The following NAV2 variants were observed in gnomAD, a reference collection of about 807,000 sequenced individuals.
NAV2 encodes the protein neuron navigator 2, also known as helicase, APC down-regulated 1.
Under a neutral mutation model 223.2 loss-of-function variants are expected in NAV2, and 54 were observed. The observed-to-expected ratio is 0.24, with a 90% CI of 0.19 to 0.30. NAV2 has a LOEUF of 0.30. Ranked by LOEUF, NAV2 falls within the 10% of genes least tolerant of loss-of-function variation. NAV2 has a pLI of 1.00. For missense variants in NAV2, 2,806 were observed against 3,147.5 expected (o/e 0.89, Z 2.60); for synonymous variants, 1,279 against 1,239.3 (o/e 1.03, Z -0.67).
rs116928805 is a variant in NAV2 at position 20,044,320 on chromosome 11, C to G, written c.3199+48C>G. Reference sequence around the variant, plus strand: ...GCCCTACAGTTGACATTTTGAAAACCAAAGCCATAGTTAACTCTAGCAAGG... The same window carrying G: ...GCCCTACAGTTGACATTTTGAAAACGAAAGCCATAGTTAACTCTAGCAAGG... On this transcript the variant is annotated intron_variant, in intron 13 of 37. Transcript: ENST00000349880. 7,947 of 1,525,428 alleles carry G rather than the reference C, an allele frequency of 5.2e-3. 28 individuals carry two copies. Among genetic ancestry groups the G allele is most frequent in the Middle Eastern group, 0.018 (95 of 5,144 alleles). The allele number at this position is 1,525,428 out of a possible 1,614,324, so 94.5% of individuals were successfully genotyped here.
At chr11:19,643,576 A>T (rs1017429344) in intron 1 of NAV2, among the ~76,000 whole-genome samples, 5 of 152,116 alleles carry the variant, frequency 3.3e-5, no homozygotes, top group Non-Finnish European at 5.9e-5. Flanking sequence ...GTTGGACATT[A>T]GGGTTGGTTC....
intron 16 of NAV2, 43 bp from the exon 17 acceptor site, chr11:20,051,246 G>GTGC (rs746684663): frequency 3.8e-6 from 6 of 1,569,528 alleles, no homozygotes; most frequent in Non-Finnish European, 5.3e-6. Flanking sequence ...TGCCTTCTGT[G>GTGC]TGCTGCTCTG....
intron 1 of NAV2, among the ~76,000 whole-genome samples, chr11:19,377,423 G>C (rs1848676421): frequency 2.0e-5 from 3 of 152,170 alleles, no homozygotes; most frequent in Admixed American, 2.0e-4. Flanking sequence ...TTCCCAGGCA[G>C]ATTCAGGGGT....
intron 1 of NAV2, among the ~76,000 whole-genome samples, chr11:19,694,788 A>C (rs2049281379): frequency 6.6e-6 from 1 of 152,194 alleles, no homozygotes; most frequent in Admixed American, 6.5e-5. Context: ...TTGCTCGTCT[A>C]AGTCCATTTG....
At chr11:19,921,677 A>G (rs1481658244) in intron 6 of NAV2, among the ~76,000 whole-genome samples, 3 of 152,234 alleles carry the variant, frequency 2.0e-5, no homozygotes, top group Non-Finnish European at 4.4e-5. Flanking sequence ...AGTGCAACTT[A>G]CATGTGTGGA....
chr11:19,488,461 G>A (rs1459567809), intron 1 of NAV2, among the ~76,000 whole-genome samples: 3 of 152,156 alleles, frequency 2.0e-5, no homozygotes, highest in Non-Finnish European at 4.4e-5. Context: ...GCTTAATCAC[G>A]TGGCACAAAT....
chr11:19,818,127 C>T (rs953300613), intron 1 of NAV2, among the ~76,000 whole-genome samples: 4 of 151,172 alleles, frequency 2.6e-5, no homozygotes, highest in African/African-American at 9.7e-5. Flanking sequence ...TCTTACCCAT[C>T]ATTCTACAAA....
intron 1 of NAV2, among the ~76,000 whole-genome samples, chr11:19,445,774 ATAAG>A (rs1851561074): frequency 6.9e-6 from 1 of 144,054 alleles, no homozygotes; most frequent in Admixed American, 7.0e-5. Context: ...TTTTTTTTAA[ATAAG>A]AGAGAAAGGG....
intron 5 of NAV2, among the ~76,000 whole-genome samples, chr11:19,891,330 A>C (rs2041479416): frequency 6.6e-6 from 1 of 152,170 alleles, no homozygotes; most frequent in Admixed American, 6.5e-5. Context: ...ACATTTCATC[A>C]TTTATTCATC....
chr11:19,423,304 A>G (rs903864725), intron 1 of NAV2, among the ~76,000 whole-genome samples: 5 of 152,226 alleles, frequency 3.3e-5, no homozygotes, highest in Non-Finnish European at 7.3e-5. Context: ...GCTACTGGTA[A>G]GCACCCAACC....
At chr11:19,540,672 T>A (rs562001266) in intron 1 of NAV2, among the ~76,000 whole-genome samples, 1 of 152,310 alleles carries the variant, frequency 6.6e-6, no homozygotes, top group Non-Finnish European at 1.5e-5. Context: ...GCTTGGAAAA[T>A]GCTGTAGCTG....
chr11:19,597,430 C>T (rs374962082), intron 1 of NAV2, among the ~76,000 whole-genome samples: 5 of 152,242 alleles, frequency 3.3e-5, no homozygotes, highest in African/African-American at 4.8e-5. Context: ...TGTCTTGCCT[C>T]GCTGCCCCAT....
chr11:19,358,741 C>T (rs1035821459), intron 1 of NAV2, among the ~76,000 whole-genome samples: 2 of 152,072 alleles, frequency 1.3e-5, no homozygotes, highest in Non-Finnish European at 2.9e-5. Context: ...CTTCAGACCC[C>T]CTCTTCCCAC....
chr11:20,017,472 T>G (rs1048956216), intron 11 of NAV2, among the ~76,000 whole-genome samples: 3 of 152,216 alleles, frequency 2.0e-5, no homozygotes, highest in African/African-American at 7.2e-5. Context: ...CCTACCACAC[T>G]ATTTAAAGTA....
intron 1 of NAV2, among the ~76,000 whole-genome samples, chr11:19,610,403 C>A (rs1005975221): frequency 1.3e-5 from 2 of 152,150 alleles, no homozygotes; most frequent in African/African-American, 2.4e-5. Flanking sequence ...GCAGTGGGTG[C>A]CACGGGCTCA....
intron 11 of NAV2, chr11:20,023,230 G>A: frequency 8.6e-7 from 1 of 1,156,446 alleles, no homozygotes; most frequent in Non-Finnish European, 1.2e-6. Context: ...TGGTGGAGCA[G>A]CCTGTGGTGC....
rs139634967 is a variant in NAV2, at chr11:19,848,509, C to T, written c.438+5586C>T. 3.3e-5 allele frequency among the ~76,000 whole-genome samples: 5 copies of T among 152,324 alleles called. No homozygotes were observed. In the East Asian group the frequency reaches 9.7e-4, roughly 29 times the overall value. On this transcript the variant is annotated intron_variant, in intron 3 of 37. Coordinates refer to ENST00000349880, the MANE Select transcript of NAV2 (RefSeq NM_145117.5). ...GATTAGGTCTTACCTCTGACCTCTG[C>T]AAGGCATCACAGCTGAGAGCAAGGG... is the stretch of plus-strand genomic sequence containing the variant.
rs2063388240 is a variant in NAV2, at chr11:20,119,894, T to A, written c.*1636T>A. The A allele has an allele frequency of 1.3e-5, 2 of 152,250 alleles. No individual in the cohort carries two copies. 9.4% of individuals were successfully genotyped at this position (152,250 alleles called of 1,614,324 possible). A position where few individuals can be genotyped will look rare whatever the true frequency, so the allele number is the denominator to read the frequency against. On this transcript the variant is annotated 3_prime_UTR_variant, in exon 38 of 38. Coordinates refer to ENST00000349880, the MANE Select transcript of NAV2 (RefSeq NM_145117.5). ...CAACCCAACTGGACAATGATCTGTCTGGTGCAGGAGAAGGCAAAAGTTTCT... is the reference window on the plus strand; with the variant it reads ...CAACCCAACTGGACAATGATCTGTCAGGTGCAGGAGAAGGCAAAAGTTTCT...
At chr11:19,989,867 G>A (rs368640483) in intron 11 of NAV2, among the ~76,000 whole-genome samples, 10 of 152,026 alleles carry the variant, frequency 6.6e-5, no homozygotes, top group African/African-American at 1.9e-4. Context: ...TCCTCCGGTC[G>A]CCTAACATAC....
Sources: gnomAD v4.1 joint callset for allele counts (sites outside exome capture counted in the v4.1 genomes callset) on GRCh38, gnomAD v4.1.1 for gene constraint, MANE v1.5 for transcripts, NCBI Gene and HGNC (gene_info 2026-07-23, HGNC 2026-07-21) for gene names.